ATP10B: variants seen among roughly 807,000 people sequenced by gnomAD.
ATP10B encodes phospholipid-transporting ATPase VB.
A neutral mutation model predicts 141.2 loss-of-function variants in ATP10B; 122 were observed. The observed-to-expected ratio is 0.86, with a 90% CI of 0.75 to 1.00. ATP10B has a LOEUF of 1.00. ATP10B is among the 50% of genes least tolerant of loss of function. The probability of loss-of-function intolerance (pLI) is 0.00; values close to 1 mark genes in which losing one functional copy is unlikely to be tolerated. For synonymous variants in ATP10B, 685 were observed against 692.0 expected, an observed-to-expected ratio of 0.99 and a Z score of 0.16; for missense variants, 1,876 against 1,825.3, an observed-to-expected ratio of 1.03 and a Z score of -0.51.
At chr5:160,574,103 T>C (rs1002075042) in intron 24 of ATP10B, among the ~76,000 whole-genome samples, 1 of 152,190 alleles carries the variant, frequency 6.6e-6, no homozygotes, top group African/African-American at 2.4e-5. Flanking sequence ...TTTAACACAC[T>C]CCCAAAATGA....
At chr5:160,715,605 G>A (rs544427350) in intron 3 of ATP10B, among the ~76,000 whole-genome samples, 17 of 152,034 alleles carry the variant, frequency 1.1e-4, no homozygotes, top group African/African-American at 2.4e-4. Context: ...GCTGTAGACC[G>A]GAGCTGTTCC....
At chr5:160,879,577 C>T in the ATP10B span, among the ~76,000 whole-genome samples, 3 of 150,268 alleles carry the variant, frequency 2.0e-5, no homozygotes, top group Non-Finnish European at 4.4e-5. Context: ...CGGTGGCTCT[C>T]GCCTGTAATC....
At chr5:160,624,846 G>GT (rs1006771340) in intron 13 of ATP10B, among the ~76,000 whole-genome samples, 3 of 152,126 alleles carry the variant, frequency 2.0e-5, no homozygotes, top group African/African-American at 7.2e-5. Context: ...CTAGTCTAAG[G>GT]TTTTTCATTT....
the ATP10B span, among the ~76,000 whole-genome samples, chr5:160,915,280 C>A: frequency 0.017 from 2,538 of 151,802 alleles, 73 homozygotes; most frequent in African/African-American, 0.059. Flanking sequence ...CACAAAAATA[C>A]AGGATGAGGT....
intron 3 of ATP10B, among the ~76,000 whole-genome samples, chr5:160,694,494 T>C (rs1764252138): frequency 6.6e-6 from 1 of 152,180 alleles, no homozygotes; most frequent in Non-Finnish European, 1.5e-5. Context: ...CTCTAGATGA[T>C]AAGAAGACAA....
the ATP10B span, among the ~76,000 whole-genome samples, chr5:160,905,441 C>A: frequency 1.3e-5 from 2 of 152,162 alleles, no homozygotes; most frequent in African/African-American, 4.8e-5. Flanking sequence ...TAAGATAAGA[C>A]AATCTGTGTC....
At chr5:160,632,481 C>T in intron 12 of ATP10B, 114 bp from the exon 13 acceptor site, 1 of 980,414 alleles carries the variant, frequency 1.0e-6, no homozygotes, top group Non-Finnish European at 1.5e-6. Flanking sequence ...CTATGCTACT[C>T]TGAAAAATTG....
chr5:160,864,143 C>T, the ATP10B span, among the ~76,000 whole-genome samples: 34 of 151,822 alleles, frequency 2.2e-4, no homozygotes, highest in Non-Finnish European at 3.1e-4. Flanking sequence ...AATAGGAAAA[C>T]TACAGACCAA....
chr5:160,878,835 G>T, the ATP10B span, among the ~76,000 whole-genome samples: 1 of 150,350 alleles, frequency 6.7e-6, no homozygotes, highest in Non-Finnish European at 1.5e-5. Context: ...ACCACAATGA[G>T]ATACCATCTC....
chr5:160,873,391 C>G, the ATP10B span, among the ~76,000 whole-genome samples: 1 of 152,096 alleles, frequency 6.6e-6, no homozygotes, highest in African/African-American at 2.4e-5. Flanking sequence ...GAAGTCCTAG[C>G]TAATGCAATA....
chr5:160,686,232 C>A lies in ATP10B; in HGVS notation c.317G>T (p.Trp106Leu). The change falls in exon 6 of 26, where the codon TGG becomes TTG. Residue 106 changes from tryptophan to leucine, a missense_variant. Transcript: ENST00000327245. The stretch of plus-strand genomic sequence containing the variant: ...GTGGAAGACTTCCATGGAGGGCATC[C>A]AGTTCAAAATCACCAGGAACAGGAA... ...LYFLFLVILNWMPSMEVFHRE... is the reference protein window; with the variant it reads ...LYFLFLVILNLMPSMEVFHRE... The A allele has an allele frequency of 6.2e-7, 1 of 1,608,018 alleles. No individual in the cohort carries two copies. The highest frequency in any genetic ancestry group is 8.5e-7 in the Non-Finnish European group (1 of 1,175,934).
chr5:160,602,491 G>T lies in ATP10B; in HGVS notation c.3363+86C>A, dbSNP rs1561644081. ...GCCTGACTCCTTCCTTTATGCTGAG[G>T]TGCTTTGCCCACTGCTAGGGAGAGA... On this transcript the variant is annotated intron_variant, in intron 21 of 25. Transcript: ENST00000327245. 7 of 1,570,532 alleles carry T rather than the reference G, an allele frequency of 4.5e-6. No individual in the cohort carries two copies. In the East Asian group the frequency reaches 1.6e-4, roughly 36 times the overall value.
chr5:160,623,324 A>G (rs571382490), intron 13 of ATP10B, among the ~76,000 whole-genome samples: 63 of 152,300 alleles, frequency 4.1e-4, no homozygotes, highest in Non-Finnish European at 7.5e-4. Context: ...TGTCCACAGG[A>G]GTCAGGCATG....
intron 2 of ATP10B, among the ~76,000 whole-genome samples, chr5:160,757,813 C>G (rs929726181): frequency 6.6e-6 from 1 of 152,172 alleles, no homozygotes; most frequent in Non-Finnish European, 1.5e-5. Context: ...ATTTCCCAAT[C>G]TTAGAACTAT....
At chr5:160,580,795 T>G (rs1460759508) in intron 24 of ATP10B, among the ~76,000 whole-genome samples, 2 of 152,228 alleles carry the variant, frequency 1.3e-5, no homozygotes, top group East Asian at 3.8e-4. Flanking sequence ...TCCTGGGCTT[T>G]CTTTGGTTGG....
At chr5:160,645,227 A>G (rs1760194725) in intron 8 of ATP10B, among the ~76,000 whole-genome samples, 1 of 152,074 alleles carries the variant, frequency 6.6e-6, no homozygotes, top group Non-Finnish European at 1.5e-5. Context: ...AGCAAACAAA[A>G]GTGCAAGGGA....
At chr5:160,890,834 T>C in the ATP10B span, among the ~76,000 whole-genome samples, 1 of 152,194 alleles carries the variant, frequency 6.6e-6, no homozygotes, top group East Asian at 1.9e-4. Context: ...CCCAGCTTCC[T>C]GAGTAGCTGG....
At chr5:160,603,890 T>G in intron 20 of ATP10B, 75 bp downstream of exon 20, 2 of 1,348,230 alleles carry the variant, frequency 1.5e-6, no homozygotes, top group East Asian at 2.3e-5. Flanking sequence ...GGGAGAAGTT[T>G]CTCCAACACT....
chr5:160,632,418 T>C (rs985117621), intron 12 of ATP10B, 51 bp from the exon 13 acceptor site: 7 of 1,565,128 alleles, frequency 4.5e-6, no homozygotes, highest in Admixed American at 1.7e-5. Context: ...GGCTGGACCA[T>C]GTTGGGGAAA....
Sources: allele counts gnomAD v4.1 joint callset (sites outside exome capture counted in the v4.1 genomes callset), GRCh38; gene constraint gnomAD v4.1.1; transcripts MANE v1.5; gene names NCBI Gene and HGNC (gene_info 2026-07-23, HGNC 2026-07-21).